RIF1: variants seen among roughly 807,000 people sequenced by gnomAD.
RIF1 encodes telomere-associated protein RIF1.
Under a neutral mutation model 247.1 loss-of-function variants are expected in RIF1, and 45 were observed. The ratio of observed to expected loss-of-function variants is 0.18; its 90% confidence interval spans 0.14 to 0.23. The LOEUF (loss-of-function observed/expected upper bound fraction) is 0.23. Among genes scored for constraint, RIF1 ranks in the 10% least tolerant of loss-of-function variants. The pLI, the probability that RIF1 is intolerant of heterozygous loss-of-function variation, is 1.00. For missense variants in RIF1, 2,967 were observed against 2,862.5 expected, an observed-to-expected ratio of 1.04 and a Z score of -0.83; for synonymous variants, 1,087 against 978.8, an observed-to-expected ratio of 1.11 and a Z score of -2.06.
At position 151,505,577 on chromosome 2, in the gene RIF1, A is replaced by G. The variant is rs771206029; in HGVS notation, c.*862-633A>G. 3.7e-6 allele frequency: 6 copies of G among 1,607,264 alleles called. No homozygotes were observed. Among genetic ancestry groups the G allele is most frequent in the Non-Finnish European group, 4.3e-6 (5 of 1,173,910 alleles). ...TTGCTTCCTTATACTTCACCTGCAGATTTAAAAATGGGAAAAGAAAGGTAT... is the reference window on the plus strand; with the variant it reads ...TTGCTTCCTTATACTTCACCTGCAGGTTTAAAAATGGGAAAAGAAAGGTAT... On this transcript the variant is annotated intron_variant and NMD_transcript_variant, in intron 12 of 13. Coordinates refer to the RIF1 transcript ENST00000454583.
At chr2:151,422,691 G>T (rs1003383501) in intron 7 of RIF1, among the ~76,000 whole-genome samples, 1 of 151,734 alleles carries the variant, frequency 6.6e-6, no homozygotes, top group Admixed American at 6.6e-5. Context: ...GTAGAGACAG[G>T]GTTTCACCAT....
Position 151,455,127 on chromosome 2 carries a change from A to G in RIF1, c.2577A>G (p.Thr859=). Residue 859 remains threonine, a synonymous_variant, in exon 22 of 36, where the codon ACA becomes ACG. Coordinates refer to ENST00000444746, the MANE Select transcript of RIF1 (RefSeq NM_018151.5). Reference sequence around the variant, plus strand: ...TCCGAAAAATATTTGCAACTTTAACAAGACCTCTGGCATTATTTTATGAAA... The same window carrying G: ...TCCGAAAAATATTTGCAACTTTAACGAGACCTCTGGCATTATTTTATGAAA... ...SMIRKIFATL[T]RPLALFYENS... 6.2e-7 allele frequency: 1 copy of G among 1,612,720 alleles called. No homozygotes were observed. Among genetic ancestry groups the G allele is most frequent in the South Asian group, 1.1e-5 (1 of 90,836 alleles).
chr2:151,433,117 G>A lies in RIF1; in HGVS notation c.966G>A (p.Gln322=), dbSNP rs1449204438. The A allele has an allele frequency of 6.2e-7, 1 of 1,613,286 alleles. No individual in the cohort carries two copies. The highest frequency in any genetic ancestry group is 1.7e-5 in the Admixed American group (1 of 59,988). ...CAAAAAGACTCAAGTTGTTAATGCA[G>A]CCTTTGAGTTCCATCCATGTGAGAA... ...CSAKRLKLLM[Q]PLSSIHVRTE... The change falls in exon 10 of 36, where the codon CAG becomes CAA. Residue 322 remains glutamine (Q), a synonymous_variant. Coordinates refer to ENST00000444746, the MANE Select transcript of RIF1 (RefSeq NM_018151.5).
exon 14 of RIF1, chr2:151,507,761 G>A: frequency 2.2e-6 from 1 of 450,360 alleles, no homozygotes; most frequent in Non-Finnish European, 4.0e-6. Flanking sequence ...CATGGGTGAG[G>A]AAAAGATACT....
At position 151,477,973 on chromosome 2, in the gene RIF1, T is replaced by C. The variant is rs2049010555; in HGVS notation, c.*2902T>C. 6.6e-6 allele frequency: 1 copy of C among 152,216 alleles called. No individual in the cohort carries two copies. The highest frequency in any genetic ancestry group is 2.4e-5 in the African/African-American group (1 of 41,458). The allele number at this position is 152,216 out of a possible 1,614,324, so 9.4% of individuals were successfully genotyped here. ...ATCCACCTGCCTCAGCCTCCTAAAA[T>C]GGTGGCATTACAGGCGTGAGCCACC... On this transcript the variant is annotated 3_prime_UTR_variant, in exon 36 of 36. Coordinates refer to ENST00000444746, the MANE Select transcript of RIF1 (RefSeq NM_018151.5).
chr2:151,440,194 T>A, intron 15 of RIF1, 67 bp downstream of exon 15: 1 of 872,286 alleles, frequency 1.1e-6, no homozygotes, highest in Non-Finnish European at 1.9e-6. Flanking sequence ...ATATAGAAGA[T>A]ATTTGCACAA....
At chr2:151,526,823 G>T in the RIF1 span, 1 of 918,258 alleles carries the variant, frequency 1.1e-6, no homozygotes, top group Non-Finnish European at 1.7e-6. Context: ...GATGGAAGCA[G>T]CTCTTCTCCA....
chr2:151,421,821 T>A (rs1030220397), intron 7 of RIF1, among the ~76,000 whole-genome samples: 2 of 152,134 alleles, frequency 1.3e-5, no homozygotes, highest in African/African-American at 4.8e-5. Context: ...TGAATTCAAT[T>A]TTAGTGACAT....
At chr2:151,533,943 C>A in the RIF1 span, among the ~76,000 whole-genome samples, 1 of 152,176 alleles carries the variant, frequency 6.6e-6, no homozygotes, top group Non-Finnish European at 1.5e-5. Context: ...TTTACAGTTG[C>A]AGTTTTCAAA....
downstream of RIF1, among the ~76,000 whole-genome samples, chr2:151,511,577 A>G (rs1373716330): frequency 6.6e-6 from 1 of 152,236 alleles, no homozygotes; most frequent in African/African-American, 2.4e-5. Flanking sequence ...AAGCACAGCT[A>G]GGGCACGTTA....
At chr2:151,454,271 A>T (rs951745062) in intron 21 of RIF1, among the ~76,000 whole-genome samples, 1 of 152,192 alleles carries the variant, frequency 6.6e-6, no homozygotes, top group Non-Finnish European at 1.5e-5. Flanking sequence ...GGCAAGGGCT[A>T]TGTGGGTTTA....
chr2:151,533,534 A>T, the RIF1 span: 1 of 1,547,114 alleles, frequency 6.5e-7, no homozygotes, highest in Non-Finnish European at 8.7e-7. Flanking sequence ...TTGGCACTAG[A>T]TTTATATTTT....
chr2:151,426,582 A>G (rs1471820690), intron 8 of RIF1, among the ~76,000 whole-genome samples: 2 of 152,018 alleles, frequency 1.3e-5, no homozygotes, highest in Admixed American at 1.3e-4. Context: ...TCTGCATATA[A>G]TGCCTTGAGT....
intron 30 of RIF1, among the ~76,000 whole-genome samples, chr2:151,467,543 C>T (rs977036569): frequency 6.6e-6 from 1 of 152,074 alleles, no homozygotes; most frequent in Non-Finnish European, 1.5e-5. Flanking sequence ...TAAGGTTTCA[C>T]CATGTTGGTC....
the RIF1 span, chr2:151,519,818 G>A: frequency 1.7e-6 from 2 of 1,198,134 alleles, no homozygotes; most frequent in Admixed American, 3.4e-5. Context: ...CAATCAATTT[G>A]GGAATTGGGG....
intron 18 of RIF1, 126 bp downstream of exon 18, chr2:151,443,835 T>A: frequency 1.8e-6 from 1 of 555,904 alleles, no homozygotes; most frequent in Non-Finnish European, 2.9e-6. Context: ...GTGGAATTGG[T>A]AAACGTTGTA....
At position 151,478,253 on chromosome 2, in the gene RIF1, C is replaced by G. The variant is rs576192707; in HGVS notation, c.*3182C>G. 1.4e-4 allele frequency: 21 copies of G among 152,230 alleles called. No homozygotes were observed. The highest frequency in any genetic ancestry group is 4.6e-4 in the African/African-American group (19 of 41,532). 9.4% of individuals were successfully genotyped at this position (152,230 alleles called of 1,614,324 possible). On this transcript the variant is annotated 3_prime_UTR_variant, in exon 36 of 36. Transcript: ENST00000444746. ...CACATTAAAAGCATGACTGAAGGCC[C>G]GGCAGGTGGATCACTTTGGCCCAGG...
chr2:151,432,873 T>C lies in RIF1; in HGVS notation c.926-204T>C, dbSNP rs574643124. Among the ~76,000 whole-genome samples the C allele has an allele frequency of 2.0e-5, 3 of 152,340 alleles. No individual in the cohort carries two copies. In the East Asian group the frequency reaches 5.8e-4, roughly 29 times the overall value. ...TATTTGTTTTAAAATATATTTTTGA[T>C]TTATTGAGTGTTTTTGGTTCAGCTG... On this transcript the variant is annotated intron_variant, in intron 9 of 35. Coordinates refer to ENST00000444746, the MANE Select transcript of RIF1 (RefSeq NM_018151.5).
chr2:151,483,396 GT>G (rs2049246043), downstream of RIF1: 1 of 152,114 alleles, frequency 6.6e-6, no homozygotes, highest in African/African-American at 2.4e-5. Context: ...ACACTGAAAG[GT>G]GACTAATCTA....
Sources: allele counts gnomAD v4.1 joint callset (sites outside exome capture counted in the v4.1 genomes callset), GRCh38; gene constraint gnomAD v4.1.1; transcripts MANE v1.5; gene names NCBI Gene and HGNC (gene_info 2026-07-23, HGNC 2026-07-21).